RBFOX1: variants seen among roughly 807,000 people sequenced by gnomAD.
The protein encoded by RBFOX1 is RNA binding protein fox-1 homolog 1.
RBFOX1 carries 8 observed loss-of-function variants against 57.7 expected under a neutral mutation model. That is an observed-to-expected ratio of 0.14 (90% confidence interval 0.08 to 0.25). RBFOX1 has a LOEUF of 0.25. RBFOX1 is among the 10% of genes least tolerant of loss of function. RBFOX1 has a pLI of 1.00. For synonymous variants in RBFOX1, 326 were observed against 222.4 expected, an observed-to-expected ratio of 1.47 and a Z score of -4.15; for missense variants, 611 against 548.5, an observed-to-expected ratio of 1.11 and a Z score of -1.14.
chr16:7,587,184 T>C, intron 6 of RBFOX1, 63 bp from the exon 7 acceptor site: 3 of 1,398,524 alleles, frequency 2.1e-6, no homozygotes, highest in Non-Finnish European at 1.9e-6. Context: ...CAATTACTAC[T>C]GTACATAGTA....
chr16:5,548,526 C>T (rs1371136572), intron 2 of RBFOX1, among the ~76,000 whole-genome samples: 4 of 151,918 alleles, frequency 2.6e-5, no homozygotes, highest in African/African-American at 7.3e-5. Flanking sequence ...GTTTGTAACT[C>T]AGAGGATAAA....
At chr16:6,032,219 G>A (rs2095300821) in intron 1 of RBFOX1, among the ~76,000 whole-genome samples, 1 of 151,990 alleles carries the variant, frequency 6.6e-6, no homozygotes, top group Admixed American at 6.6e-5. Flanking sequence ...ACATTTAGCT[G>A]TATTTTCCTC....
At chr16:6,892,775 CCTCTCTCTCTCTCTCTCTCTCTCTCTCT>C (rs750285832) in intron 3 of RBFOX1, among the ~76,000 whole-genome samples, 1,200 of 84,764 alleles carry the variant, frequency 0.014, 34 homozygotes, top group African/African-American at 0.057. Flanking sequence ...TCCCTGTCTC[CCTCTCTCTCTCTCTCTCTCTCTCTCTCT>C]CTCTCTCTCT....
At chr16:6,380,724 T>C (rs908654169) in intron 2 of RBFOX1, among the ~76,000 whole-genome samples, 3 of 152,132 alleles carry the variant, frequency 2.0e-5, no homozygotes, top group African/African-American at 7.2e-5. Context: ...AAAACAGGTG[T>C]TAAGTATAGG....
chr16:7,134,689 G>A (rs1490827565), intron 4 of RBFOX1, among the ~76,000 whole-genome samples: 1 of 152,210 alleles, frequency 6.6e-6, no homozygotes, highest in African/African-American at 2.4e-5. Flanking sequence ...AGGCTACTTA[G>A]AAATCCTGAC....
In RBFOX1 at chr16:7,417,656, C is replaced by G. The variant is rs561341087; in HGVS notation, c.28-100491C>G. Among the ~76,000 whole-genome samples the G allele has an allele frequency of 3.9e-5, 6 of 152,248 alleles. No homozygotes were observed. The South Asian group carries it at 1.0e-3, about 26-fold the overall frequency. ...TCCATCACAAAGATCCTAGGCTCTA[C>G]TCTTTCGTCCCTGCAGTGACCTCCC... On this transcript the variant is annotated intron_variant, in intron 4 of 15. Coordinates refer to ENST00000550418, the MANE Select transcript of RBFOX1 (RefSeq NM_018723.4).
At chr16:5,636,418 T>C (rs1224222740) in intron 3 of RBFOX1, among the ~76,000 whole-genome samples, 1 of 152,196 alleles carries the variant, frequency 6.6e-6, no homozygotes, top group Non-Finnish European at 1.5e-5. Flanking sequence ...CTTTACTGGT[T>C]ATTGCAGTGT....
intron 2 of RBFOX1, among the ~76,000 whole-genome samples, chr16:6,376,693 C>G (rs1030491416): frequency 3.9e-5 from 6 of 152,118 alleles, no homozygotes; most frequent in African/African-American, 1.4e-4. Flanking sequence ...TGTTAGCTTC[C>G]TAGATTGCAG....
At chr16:7,655,480 C>A (rs1425044242) in intron 12 of RBFOX1, among the ~76,000 whole-genome samples, 7 of 152,136 alleles carry the variant, frequency 4.6e-5, no homozygotes, top group Admixed American at 3.3e-4. Context: ...TGTCTTAAGC[C>A]TTTTATGTGA....
At chr16:5,731,563 T>A (rs923911039) in intron 3 of RBFOX1, among the ~76,000 whole-genome samples, 1 of 152,180 alleles carries the variant, frequency 6.6e-6, no homozygotes, top group African/African-American at 2.4e-5. Context: ...AGAGGGGCTC[T>A]CTTGCTTCTG....
chr16:5,578,915 T>C (rs1341416447), intron 2 of RBFOX1, among the ~76,000 whole-genome samples: 1 of 147,870 alleles, frequency 6.8e-6, no homozygotes, highest in East Asian at 2.0e-4. Context: ...TGGCTTGATC[T>C]TGGCTCACTG....
intron 3 of RBFOX1, among the ~76,000 whole-genome samples, chr16:6,906,258 A>G (rs945955747): frequency 2.0e-5 from 3 of 150,646 alleles, no homozygotes; most frequent in African/African-American, 5.0e-5. Flanking sequence ...CAAAATATAC[A>G]TTGTCATGTG....
At chr16:5,267,673 T>C (rs888536983) in intron 1 of RBFOX1, among the ~76,000 whole-genome samples, 1 of 152,222 alleles carries the variant, frequency 6.6e-6, no homozygotes, top group African/African-American at 2.4e-5. Flanking sequence ...CTGGGAAATA[T>C]GCACAATTTC....
At chr16:6,095,779 C>G (rs921009802) in intron 1 of RBFOX1, among the ~76,000 whole-genome samples, 6 of 151,974 alleles carry the variant, frequency 3.9e-5, no homozygotes, top group Non-Finnish European at 7.4e-5. Context: ...GAGGGGCAGG[C>G]TAATGACCCA....
At chr16:6,843,001 T>C (rs2093568813) in intron 3 of RBFOX1, among the ~76,000 whole-genome samples, 1 of 152,204 alleles carries the variant, frequency 6.6e-6, no homozygotes, top group Admixed American at 6.5e-5. Flanking sequence ...GGATATGATC[T>C]CATTCTTTTT....
intron 4 of RBFOX1, among the ~76,000 whole-genome samples, chr16:7,426,530 A>G (rs2098615348): frequency 1.3e-5 from 2 of 152,192 alleles, no homozygotes; most frequent in East Asian, 3.9e-4. Context: ...CAGCTAGGAA[A>G]ATTAGGAAGG....
At chr16:5,856,563 A>ATGTGTGTG (rs1317876935) in intron 3 of RBFOX1, among the ~76,000 whole-genome samples, 32 of 66,922 alleles carry the variant, frequency 4.8e-4, no homozygotes, top group African/African-American at 1.9e-3. Flanking sequence ...GTGTGTGTGT[A>ATGTGTGTG]TGTGTGTGTG....
At chr16:5,518,097 T>C (rs2043861847) in intron 2 of RBFOX1, among the ~76,000 whole-genome samples, 1 of 152,184 alleles carries the variant, frequency 6.6e-6, no homozygotes, top group African/African-American at 2.4e-5. Context: ...CTTATGCTTG[T>C]TGCTGTTATG....
chr16:6,559,476 C>T (rs917305477), intron 2 of RBFOX1, among the ~76,000 whole-genome samples: 4 of 151,958 alleles, frequency 2.6e-5, no homozygotes, highest in Non-Finnish European at 4.4e-5. Flanking sequence ...AGAGTTTATC[C>T]TGAACTATGC....
Sources: allele counts gnomAD v4.1 joint callset (sites outside exome capture counted in the v4.1 genomes callset), GRCh38; gene constraint gnomAD v4.1.1; transcripts MANE v1.5; gene names NCBI Gene and HGNC (gene_info 2026-07-23, HGNC 2026-07-21).